The following QSER1 variants were observed in gnomAD, a reference collection of about 807,000 sequenced individuals.
The protein encoded by QSER1 is glutamine and serine-rich protein 1.
In QSER1, 49 loss-of-function variants were observed where a neutral mutation model predicts 158.5. That is an observed-to-expected ratio of 0.31 (90% confidence interval 0.25 to 0.39). The LOEUF is 0.39. Among genes scored for constraint, QSER1 ranks in the 10% least tolerant of loss-of-function variants. The probability of loss-of-function intolerance (pLI) is 1.00; values close to 1 mark genes in which losing one functional copy is unlikely to be tolerated. For synonymous variants in QSER1, 650 were observed against 715.5 expected (o/e 0.91, Z 1.46); for missense variants, 1,754 against 2,010.3 (o/e 0.87, Z 2.44).
At chr11:32,910,805 AGCACTT>A (rs1392265910) in intron 1 of QSER1, among the ~76,000 whole-genome samples, 1 of 152,240 alleles carries the variant, frequency 6.6e-6, no homozygotes, top group Non-Finnish European at 1.5e-5. Flanking sequence ...AGGATTTACA[AGCACTT>A]TCTTCTTCCT....
intron 1 of QSER1, among the ~76,000 whole-genome samples, chr11:32,920,183 A>G (rs1266059519): frequency 6.6e-6 from 1 of 152,206 alleles, no homozygotes; most frequent in Non-Finnish European, 1.5e-5. Context: ...GAGTAAGGAA[A>G]TACACATGTA....
intron 12 of QSER1, 37 bp from the exon 13 acceptor site, chr11:32,976,297 A>AT (rs750262710): frequency 5.9e-5 from 89 of 1,510,866 alleles, no homozygotes; most frequent in Non-Finnish European, 7.6e-5. Context: ...ATATGATGTG[A>AT]TAAGTATAAG....
rs746915352 is a variant in QSER1 at position 32,934,915 on chromosome 11, G to C, written c.3657G>C (p.Gln1219His). 5.1e-5 allele frequency: 82 copies of C among 1,613,618 alleles called. No homozygotes were observed. In the South Asian group the frequency reaches 7.7e-4, roughly 15 times the overall value. ...GQVKEEDNSN[Q>H]KQLKRPAQGK... The stretch of plus-strand genomic sequence containing the variant: ...TTAAAGAGGAAGACAACAGTAATCA[G>C]AAACAGCTGAAAAGACCTGCCCAAG... Residue 1219 changes from glutamine to histidine, a missense_variant, in exon 4 of 13, where the codon CAG (glutamine) becomes CAC (histidine). Around this residue, in one of 2 missense-constraint regions of QSER1, gnomAD observed 1,707 missense variants for 1,919.6 expected, o/e 0.89. Transcript: ENST00000650167.
intron 3 of QSER1, among the ~76,000 whole-genome samples, chr11:32,928,477 A>T (rs1852004356): frequency 6.6e-6 from 1 of 152,210 alleles, no homozygotes; most frequent in Non-Finnish European, 1.5e-5. Flanking sequence ...ATAGTAAAAA[A>T]AATCTTGGGA....
chr11:32,935,835 T>C (rs1411347662), intron 4 of QSER1, among the ~76,000 whole-genome samples: 7 of 152,232 alleles, frequency 4.6e-5, no homozygotes, highest in Non-Finnish European at 7.3e-5. Context: ...GTTGCAATAG[T>C]CCAGGTGACA....
At chr11:32,959,886 T>C (rs547338316) in intron 8 of QSER1, among the ~76,000 whole-genome samples, 26 of 152,172 alleles carry the variant, frequency 1.7e-4, no homozygotes, top group African/African-American at 6.3e-4. Context: ...CTCAGCCTCC[T>C]GAGTAGCTGG....
At chr11:32,960,706 C>T (rs1299624086) in intron 8 of QSER1, among the ~76,000 whole-genome samples, 1 of 152,192 alleles carries the variant, frequency 6.6e-6, no homozygotes, top group Non-Finnish European at 1.5e-5. Context: ...AATTTGCTCT[C>T]AATTATAGTT....
At chr11:32,896,624 G>A (rs1038152078) in intron 1 of QSER1, among the ~76,000 whole-genome samples, 11 of 152,126 alleles carry the variant, frequency 7.2e-5, no homozygotes, top group African/African-American at 2.7e-4. Context: ...CCTGACCTCA[G>A]GTGATCCGCC....
chr11:32,938,611 T>C (rs1171469916), intron 4 of QSER1, among the ~76,000 whole-genome samples: 1 of 152,182 alleles, frequency 6.6e-6, no homozygotes, highest in African/African-American at 2.4e-5. Context: ...AACATAGGCT[T>C]GCTGTTAGTT....
intron 8 of QSER1, among the ~76,000 whole-genome samples, chr11:32,961,547 G>A (rs1852625234): frequency 6.6e-6 from 1 of 152,036 alleles, no homozygotes; most frequent in Non-Finnish European, 1.5e-5. Context: ...TCACACTGTT[G>A]TATAACCCTC....
At chr11:32,975,434 G>A (rs749159228) in intron 12 of QSER1, 91 bp downstream of exon 12, 4 of 1,564,134 alleles carry the variant, frequency 2.6e-6, no homozygotes, top group Non-Finnish European at 3.5e-6. Context: ...AAAGAGAGTT[G>A]TGAAATACAT....
chr11:32,930,986 A>G (rs1178213096), intron 3 of QSER1, among the ~76,000 whole-genome samples: 2 of 152,198 alleles, frequency 1.3e-5, no homozygotes, highest in Non-Finnish European at 2.9e-5. Context: ...CTTGAAATGC[A>G]AGAGATTTTT....
chr11:32,947,710 T>C (rs1298778868), intron 4 of QSER1, among the ~76,000 whole-genome samples: 1 of 152,210 alleles, frequency 6.6e-6, no homozygotes, highest in Non-Finnish European at 1.5e-5. Flanking sequence ...GATTGCTTGA[T>C]CTGTTGATTC....
intron 1 of QSER1, among the ~76,000 whole-genome samples, chr11:32,901,770 G>A (rs1354539331): frequency 6.6e-6 from 1 of 152,188 alleles, no homozygotes; most frequent in African/African-American, 2.4e-5. Flanking sequence ...AGATCATGGA[G>A]TTTAGTCTCT....
At chr11:32,974,678 A>C (rs943620940) in intron 11 of QSER1, among the ~76,000 whole-genome samples, 2 of 152,248 alleles carry the variant, frequency 1.3e-5, no homozygotes, top group Non-Finnish European at 2.9e-5. Context: ...CTAGAGATAC[A>C]ACAGTGAAAA....
At chr11:32,902,089 A>G (rs748183983) in intron 1 of QSER1, among the ~76,000 whole-genome samples, 5 of 152,200 alleles carry the variant, frequency 3.3e-5, no homozygotes, top group Non-Finnish European at 7.4e-5. Context: ...TCTCAAAAAC[A>G]CAACAAAAAA....
At chr11:32,960,872 G>A (rs1852611304) in intron 8 of QSER1, among the ~76,000 whole-genome samples, 1 of 152,096 alleles carries the variant, frequency 6.6e-6, no homozygotes, top group African/African-American at 2.4e-5. Context: ...GTCAAATATT[G>A]ATAATAAACA....
At chr11:32,944,872 A>C (rs1310057703) in intron 4 of QSER1, among the ~76,000 whole-genome samples, 1 of 139,472 alleles carries the variant, frequency 7.2e-6, no homozygotes, top group Non-Finnish European at 1.5e-5. Context: ...TGGGAGTCTA[A>C]GTCTCTTTGT....
chr11:32,909,738 G>A (rs987829069), intron 1 of QSER1, among the ~76,000 whole-genome samples: 6 of 152,134 alleles, frequency 3.9e-5, no homozygotes, highest in African/African-American at 1.4e-4. Flanking sequence ...CACTGCGCCT[G>A]TCCTAAACTC....
Sources: gnomAD v4.1 joint callset for allele counts (sites outside exome capture counted in the v4.1 genomes callset) on GRCh38, gnomAD v4.1.1 for gene constraint, gnomAD v4.1.1 regional missense constraint, MANE v1.5 for transcripts, NCBI Gene and HGNC (gene_info 2026-07-23, HGNC 2026-07-21) for gene names.